The following SLC8A1 variants were observed in gnomAD, a reference collection of about 807,000 sequenced individuals.
The protein encoded by SLC8A1 is solute carrier family 8 member A1.
In SLC8A1, 18 loss-of-function variants were observed where a neutral mutation model predicts 68.3. That is an observed-to-expected ratio of 0.26 (90% confidence interval 0.18 to 0.39). SLC8A1 has a LOEUF of 0.39. Among genes scored for constraint, SLC8A1 ranks in the 10% least tolerant of loss-of-function variants. SLC8A1 has a pLI of 1.00. For synonymous variants in SLC8A1, 475 were observed against 415.5 expected, an observed-to-expected ratio of 1.14 and a Z score of -1.74; for missense variants, 985 against 1,156.7, an observed-to-expected ratio of 0.85 and a Z score of 2.15.
At chr2:40,464,083 C>T (rs892683088) in intron 1 of SLC8A1, among the ~76,000 whole-genome samples, 12 of 151,896 alleles carry the variant, frequency 7.9e-5, no homozygotes, top group Admixed American at 1.3e-4. Flanking sequence ...TTAGTAGAGA[C>T]GGGGTTTCAC....
intron 6 of SLC8A1, among the ~76,000 whole-genome samples, chr2:40,147,937 T>C (rs935780916): frequency 6.6e-6 from 1 of 152,194 alleles, no homozygotes; most frequent in African/African-American, 2.4e-5. Flanking sequence ...TTCTCTGTTT[T>C]AGAGATGAAG....
intron 2 of SLC8A1, among the ~76,000 whole-genome samples, chr2:40,189,474 C>A (rs1340170158): frequency 1.3e-5 from 2 of 152,126 alleles, no homozygotes; most frequent in African/African-American, 4.8e-5. Context: ...AAGCATGCCA[C>A]CGCGCCCGAA....
At chr2:40,343,581 G>A (rs1238491505) in intron 2 of SLC8A1, among the ~76,000 whole-genome samples, 1 of 152,126 alleles carries the variant, frequency 6.6e-6, no homozygotes, top group Non-Finnish European at 1.5e-5. Context: ...GTATGTATTA[G>A]GATCTGTAAG....
chr2:40,427,889 A>G (rs1319415433), intron 2 of SLC8A1, among the ~76,000 whole-genome samples: 1 of 152,178 alleles, frequency 6.6e-6, no homozygotes. Flanking sequence ...ATAACACTGA[A>G]GAAGCAGGAT....
chr2:40,141,579 A>C (rs2041576203), intron 6 of SLC8A1, among the ~76,000 whole-genome samples: 1 of 152,220 alleles, frequency 6.6e-6, no homozygotes, highest in South Asian at 2.1e-4. Context: ...TTTGTGAGTG[A>C]AAAAGCATTG....
intron 2 of SLC8A1, among the ~76,000 whole-genome samples, chr2:40,324,463 C>T (rs1205671108): frequency 6.6e-6 from 1 of 152,118 alleles, no homozygotes; most frequent in African/African-American, 2.4e-5. Flanking sequence ...TCAAACATTC[C>T]ATTTCTTTCC....
At chr2:40,306,429 A>T (rs2072607695) in intron 2 of SLC8A1, among the ~76,000 whole-genome samples, 1 of 146,536 alleles carries the variant, frequency 6.8e-6, no homozygotes, top group Non-Finnish European at 1.5e-5. Context: ...GCATTTAAGG[A>T]TAAATAAAAA....
At chr2:40,243,290 C>G (rs910969357) in intron 2 of SLC8A1, among the ~76,000 whole-genome samples, 1 of 152,060 alleles carries the variant, frequency 6.6e-6, no homozygotes, top group African/African-American at 2.4e-5. Context: ...CAAGACCAGC[C>G]TGGGCAACAT....
chr2:40,493,271 C>T (rs908960676), intron 1 of SLC8A1, among the ~76,000 whole-genome samples: 22 of 147,022 alleles, frequency 1.5e-4, no homozygotes, highest in African/African-American at 5.5e-4. Context: ...CGCATATTCT[C>T]ACTCATAGGT....
chr2:40,244,535 T>C (rs1477344308), intron 2 of SLC8A1, among the ~76,000 whole-genome samples: 1 of 133,900 alleles, frequency 7.5e-6, no homozygotes, highest in African/African-American at 3.0e-5. Flanking sequence ...TGGAGCTGAG[T>C]AGGCAAGTGG....
At chr2:40,339,587 A>G (rs1368714902) in intron 2 of SLC8A1, among the ~76,000 whole-genome samples, 1 of 152,220 alleles carries the variant, frequency 6.6e-6, no homozygotes, top group African/African-American at 2.4e-5. Context: ...ATGTATGAAA[A>G]ACTGCTCAGT....
exon 8 of SLC8A1, chr2:40,113,346 G>A (rs1188579974): frequency 6.5e-6 from 1 of 152,700 alleles, no homozygotes; most frequent in Non-Finnish European, 1.5e-5. Flanking sequence ...GGTGACCAAA[G>A]TCATTCTATT....
At chr2:40,438,299 C>T (rs1369038857) in intron 1 of SLC8A1, among the ~76,000 whole-genome samples, 1 of 152,090 alleles carries the variant, frequency 6.6e-6, no homozygotes, top group Non-Finnish European at 1.5e-5. Context: ...CATATACATG[C>T]TTTTATATCT....
At chr2:40,501,002 T>C (rs144839851) in intron 1 of SLC8A1, among the ~76,000 whole-genome samples, 309 of 151,998 alleles carry the variant, frequency 2.0e-3, no homozygotes, top group Non-Finnish European at 2.6e-3. Flanking sequence ...TCTGATGTAA[T>C]GTTCGAAAAA....
intron 2 of SLC8A1, among the ~76,000 whole-genome samples, chr2:40,370,869 G>A (rs1488504095): frequency 6.6e-6 from 1 of 152,008 alleles, no homozygotes; most frequent in African/African-American, 2.4e-5. Flanking sequence ...AGTAACTGGA[G>A]ACACTGAGAA....
intron 2 of SLC8A1, among the ~76,000 whole-genome samples, chr2:40,348,632 G>A (rs767018956): frequency 3.3e-5 from 5 of 152,202 alleles, no homozygotes; most frequent in Non-Finnish European, 5.9e-5. Context: ...TGTGTTCTCA[G>A]AAGTACGGGG....
chr2:40,282,615 T>C (rs536798004), intron 2 of SLC8A1, among the ~76,000 whole-genome samples: 1 of 152,322 alleles, frequency 6.6e-6, no homozygotes, highest in East Asian at 1.9e-4. Context: ...AGTTTCATTT[T>C]TGCACGCTCC....
intron 7 of SLC8A1, among the ~76,000 whole-genome samples, chr2:40,124,268 G>A (rs2037572380): frequency 6.6e-6 from 1 of 152,158 alleles, no homozygotes; most frequent in Admixed American, 6.5e-5. Flanking sequence ...TAAGTGTATG[G>A]ATCTAGACAA....
At chr2:40,164,964 G>C in exon 5 of SLC8A1, 1 of 1,613,862 alleles carries the variant, frequency 6.2e-7, no homozygotes, top group Non-Finnish European at 8.5e-7. Context: ...CTGGTCAGTG[G>C]CTGCTTGTCA....
Sources: allele counts gnomAD v4.1 joint callset (sites outside exome capture counted in the v4.1 genomes callset), GRCh38; gene constraint gnomAD v4.1.1; transcripts MANE v1.5; gene names NCBI Gene and HGNC (gene_info 2026-07-23, HGNC 2026-07-21).